KLF7: variants seen among roughly 807,000 people sequenced by gnomAD.
KLF7 encodes KLF transcription factor 7, also known as Krueppel-like factor 7.
KLF7 carries 2 observed loss-of-function variants against 27.3 expected under a neutral mutation model. The ratio of observed to expected loss-of-function variants is 0.07; its 90% CI spans 0.03 to 0.23. The LOEUF is 0.23. KLF7 is among the 10% of genes least tolerant of loss of function. The pLI is 1.00. For missense variants in KLF7, 221 were observed against 394.1 expected, an observed-to-expected ratio of 0.56 and a Z score of 3.72; for synonymous variants, 165 against 162.4, an observed-to-expected ratio of 1.02 and a Z score of -0.12.
At chr2:207,146,158 G>C (rs1437872618) in intron 1 of KLF7, among the ~76,000 whole-genome samples, 1 of 152,178 alleles carries the variant, frequency 6.6e-6, no homozygotes, top group South Asian at 2.1e-4. Context: ...AATACATAAA[G>C]CACAAAGCCC....
In KLF7 at chr2:207,078,927, C is replaced by A. The variant is rs908663924; in HGVS notation, c.*2286G>T. ...TTTTAAGTCATGTCTAGTTTTAAAT[C>A]TTTGGAATAAAACTGATTTTTAATA... is the stretch of plus-strand genomic sequence containing the variant. On this transcript the variant is annotated 3_prime_UTR_variant, in exon 4 of 4. Transcript: ENST00000309446. The A allele has an allele frequency of 6.6e-6, 1 of 152,138 alleles. No individual in the cohort carries two copies. Among genetic ancestry groups the A allele is most frequent in the African/African-American group, 2.4e-5 (1 of 41,430 alleles). 9.4% of individuals were successfully genotyped at this position (152,138 alleles called of 1,614,324 possible).
In KLF7 at chr2:207,165,842, G is replaced by C. The variant is rs2078691647; in HGVS notation, c.-274C>G. Reference sequence around the variant, plus strand: ...TGCCAGGAAAAGGGGACTTCTCCACGGGAGTAACAATTCCCTTCCAGGGCT... The same window carrying C: ...TGCCAGGAAAAGGGGACTTCTCCACCGGAGTAACAATTCCCTTCCAGGGCT... On this transcript the variant is annotated 5_prime_UTR_variant, in exon 1 of 4. Coordinates refer to ENST00000309446, the MANE Select transcript of KLF7 (RefSeq NM_003709.4). The C allele has an allele frequency of 2.3e-6, 3 of 1,301,812 alleles. No individual in the cohort carries two copies. Among genetic ancestry groups the C allele is most frequent in the South Asian group, 2.2e-5 (1 of 45,708 alleles). 80.6% of individuals were successfully genotyped at this position (1,301,812 alleles called of 1,614,324 possible).
intron 3 of KLF7, among the ~76,000 whole-genome samples, chr2:207,087,830 C>T (rs1399451770): frequency 1.3e-5 from 2 of 152,166 alleles, no homozygotes; most frequent in Admixed American, 6.5e-5. Context: ...TTGCTACGTG[C>T]TCTTTCTTCT....
intron 3 of KLF7, among the ~76,000 whole-genome samples, chr2:207,084,248 C>A (rs1053651511): frequency 6.6e-6 from 1 of 152,050 alleles, no homozygotes; most frequent in African/African-American, 2.4e-5. Flanking sequence ...GAGGGCCTGG[C>A]AGTGGGAAAC....
chr2:207,109,532 T>C lies in KLF7; in HGVS notation c.733+14242A>G, dbSNP rs149937368. Among the ~76,000 whole-genome samples, 799 of 152,278 alleles carry C rather than the reference T, an allele frequency of 5.2e-3. 14 individuals are homozygous for C. Among genetic ancestry groups the C allele is most frequent in the African/African-American group, 0.018 (747 of 41,552 alleles). Reference sequence around the variant, plus strand: ...AATGGGTATAATGAGAAGACTTACCTCATCGGTAAGTGAAGGTTAAATGGA... The same window carrying C: ...AATGGGTATAATGAGAAGACTTACCCCATCGGTAAGTGAAGGTTAAATGGA... On this transcript the variant is annotated intron_variant, in intron 2 of 3. Coordinates refer to ENST00000309446, the MANE Select transcript of KLF7 (RefSeq NM_003709.4).
At chr2:207,161,367 A>C (rs973452998) in intron 1 of KLF7, among the ~76,000 whole-genome samples, 2 of 152,224 alleles carry the variant, frequency 1.3e-5, no homozygotes, top group Non-Finnish European at 1.5e-5. Flanking sequence ...AAAAACAGTT[A>C]TTTTATCCTT....
At chr2:207,133,844 T>TC (rs2077705820) in intron 1 of KLF7, among the ~76,000 whole-genome samples, 3 of 151,740 alleles carry the variant, frequency 2.0e-5, no homozygotes, top group African/African-American at 4.8e-5. Flanking sequence ...ATCTCATTCC[T>TC]CCCCCCAGTG....
At chr2:207,157,219 T>TAAAAAAAAAAAAAAAAAAAAAAAAAAAAA (rs5838052) in intron 1 of KLF7, among the ~76,000 whole-genome samples, 28 of 87,302 alleles carry the variant, frequency 3.2e-4, no homozygotes, top group Non-Finnish European at 5.2e-4. Context: ...AACAGAAAAG[T>TAAAAAAAAAAAAAAAAAAAAAAAAAAAAA]AAAAAAAAAA....
At chr2:207,124,866 T>C (rs544167423) in intron 1 of KLF7, among the ~76,000 whole-genome samples, 1 of 152,244 alleles carries the variant, frequency 6.6e-6, no homozygotes, top group Non-Finnish European at 1.5e-5. Context: ...AAGTCAGTTT[T>C]CCCACTTGCT....
intron 2 of KLF7, among the ~76,000 whole-genome samples, chr2:207,102,821 G>T (rs146125944): frequency 6.6e-6 from 1 of 152,302 alleles, no homozygotes; most frequent in African/African-American, 2.4e-5. Flanking sequence ...TGGCCACCCA[G>T]AACAAAGACT....
At chr2:207,166,349 G>A (rs973936999), upstream of KLF7, 6 of 235,970 alleles carry the variant, frequency 2.5e-5, no homozygotes, top group Non-Finnish European at 4.1e-5. Context: ...TATTTTTAGA[G>A]GGCTATATAA....
chr2:207,137,512 T>G (rs1254230680), intron 1 of KLF7, among the ~76,000 whole-genome samples: 1 of 152,166 alleles, frequency 6.6e-6, no homozygotes, highest in East Asian at 1.9e-4. Context: ...TACTGAGAAG[T>G]GCTATTTATT....
Position 207,078,234 on chromosome 2 carries a change from CACAGTCA to C in KLF7, c.*2972_*2978del, listed in dbSNP as rs2076210092. ...CCCACCAAATTCTTAGGCCAATTCT[CACAGTCA>C]ACAAATGACTCTGAAGCAAGCAAGC... is the stretch of plus-strand genomic sequence containing the variant. On this transcript the variant is annotated 3_prime_UTR_variant, in exon 4 of 4. Transcript: ENST00000309446. 1.3e-5 allele frequency: 2 copies of C among 152,248 alleles called. No individual in the cohort carries two copies. Among genetic ancestry groups the C allele is most frequent in the Admixed American group, 1.3e-4 (2 of 15,282 alleles). 9.4% of individuals were successfully genotyped at this position (152,248 alleles called of 1,614,324 possible). A position where few individuals can be genotyped will look rare whatever the true frequency, so the allele number is the denominator to read the frequency against.
intron 2 of KLF7, among the ~76,000 whole-genome samples, chr2:207,112,404 T>G (rs765736700): frequency 6.6e-6 from 1 of 152,144 alleles, no homozygotes; most frequent in Admixed American, 6.5e-5. Context: ...AATGATTCCA[T>G]AAAGCCTGAA....
intron 2 of KLF7, among the ~76,000 whole-genome samples, chr2:207,115,193 G>C (rs2077146752): frequency 1.3e-5 from 2 of 152,018 alleles, no homozygotes; most frequent in Admixed American, 6.5e-5. Context: ...AAAAAAAGGG[G>C]GGGTATGCCA....
At chr2:207,088,126 C>G (rs1275174806) in intron 3 of KLF7, among the ~76,000 whole-genome samples, 1 of 152,196 alleles carries the variant, frequency 6.6e-6, no homozygotes, top group Non-Finnish European at 1.5e-5. Flanking sequence ...GAAGTCCCTA[C>G]AGATGACCAT....
intron 1 of KLF7, among the ~76,000 whole-genome samples, chr2:207,150,963 C>A (rs2078225709): frequency 8.7e-6 from 1 of 115,192 alleles, no homozygotes. Context: ...GTTTGCCTGT[C>A]AAAAGCTCTG....
intron 2 of KLF7, among the ~76,000 whole-genome samples, chr2:207,098,528 T>C (rs1349079419): frequency 6.6e-6 from 1 of 152,198 alleles, no homozygotes; most frequent in East Asian, 1.9e-4. Context: ...AACTCACCTT[T>C]GGTCAACCTT....
intron 1 of KLF7, among the ~76,000 whole-genome samples, chr2:207,158,073 A>C (rs1339078174): frequency 6.6e-6 from 1 of 152,154 alleles, no homozygotes; most frequent in East Asian, 1.9e-4. Flanking sequence ...GGAGATGTAG[A>C]GTATAGCTGT....
Sources: allele counts gnomAD v4.1 joint callset (sites outside exome capture counted in the v4.1 genomes callset), GRCh38; gene constraint gnomAD v4.1.1; transcripts MANE v1.5; gene names NCBI Gene and HGNC (gene_info 2026-07-23, HGNC 2026-07-21).